The following BCAT2 variants were observed in gnomAD, a reference collection of about 807,000 sequenced individuals.
BCAT2 encodes branched-chain-amino-acid aminotransferase, mitochondrial.
A neutral mutation model predicts 52.9 loss-of-function variants in BCAT2; 44 were observed. The observed-to-expected ratio is 0.83, with a 90% CI of 0.65 to 1.07. The LOEUF (loss-of-function observed/expected upper bound fraction) is 1.07. BCAT2 is among the 50% of genes least tolerant of loss of function. The pLI, the probability that BCAT2 is intolerant of heterozygous loss-of-function variation, is 0.00. For synonymous variants in BCAT2, 215 were observed against 217.1 expected (o/e 0.99, Z 0.08); for missense variants, 478 against 521.8 (o/e 0.92, Z 0.82).
chr19:48,808,419 A>C (rs2122700911), intron 1 of BCAT2: 3 of 294,706 alleles, frequency 1.0e-5, no homozygotes, highest in Non-Finnish European at 1.5e-5. Context: ...AAAAACAAAA[A>C]CAGAAATTGA....
At chr19:48,800,458 G>C (rs2034634807) in intron 3 of BCAT2, among the ~76,000 whole-genome samples, 161 bp from the exon 4 acceptor site, 1 of 152,092 alleles carries the variant, frequency 6.6e-6, no homozygotes, top group African/African-American at 2.4e-5. Context: ...GAGAGATGGA[G>C]AAAAAGAGAG....
chr19:48,804,286 G>A (rs4802508), intron 3 of BCAT2, among the ~76,000 whole-genome samples: 9,570 of 152,218 alleles, frequency 0.063, 386 homozygotes, highest in Admixed American at 0.11. Flanking sequence ...GCTCACGCCT[G>A]CAATCCCAGC....
intron 1 of BCAT2, among the ~76,000 whole-genome samples, chr19:48,809,451 G>A (rs372345139): frequency 4.6e-5 from 7 of 151,468 alleles, no homozygotes; most frequent in East Asian, 1.9e-4. Flanking sequence ...TCACGGCCCC[G>A]GAGAGACCCC....
chr19:48,795,589 C>CT (rs1301274067), intron 10 of BCAT2, 125 bp from the exon 11 acceptor site: 1 of 1,096,412 alleles, frequency 9.1e-7, no homozygotes, highest in East Asian at 2.6e-5. Flanking sequence ...ATGTAGTCCA[C>CT]TTCCCAGAGG....
chr19:48,796,913 C>T (rs2034536011), intron 8 of BCAT2, 24 bp downstream of exon 8: 1 of 1,612,850 alleles, frequency 6.2e-7, no homozygotes, highest in African/African-American at 1.3e-5. Context: ...TGGCGCCCAT[C>T]ACCAGAAGAT....
intron 3 of BCAT2, among the ~76,000 whole-genome samples, chr19:48,801,112 T>G (rs1237576258): frequency 2.6e-5 from 4 of 151,956 alleles, no homozygotes; most frequent in Non-Finnish European, 5.9e-5. Flanking sequence ...CTCGGCCTCC[T>G]GGGTAGCTGG....
chr19:48,797,654 G>C, intron 6 of BCAT2: 1 of 314,682 alleles, frequency 3.2e-6, no homozygotes, highest in Non-Finnish European at 6.1e-6. Flanking sequence ...AGGTTCAAGA[G>C]ATTCTCCTGC....
Position 48,800,083 on chromosome 19 carries a change from C to A in BCAT2, c.429G>T (p.Glu143Asp). ...RLCLPSFDKL[E>D]LLECIRRLIE... ...TGAGCCGGCGGATGCACTCCAGCAA[C>A]TCCAGCTTGTCGAAACTCTGGGTGG... Residue 143 changes from glutamate to aspartate, a missense_variant, in exon 5 of 11, where the codon GAG (glutamate) becomes GAT (aspartate). Physicochemically the swap from Glu to Asp is conservative, Grantham distance 45. Coordinates refer to ENST00000316273, the MANE Select transcript of BCAT2 (RefSeq NM_001190.4). The A allele has an allele frequency of 6.2e-7, 1 of 1,614,036 alleles. No individual in the cohort carries two copies. The highest frequency in any genetic ancestry group is 2.2e-5 in the East Asian group (1 of 44,876).
At chr19:48,808,091 T>A (rs1017761877) in intron 1 of BCAT2, 1 of 987,144 alleles carries the variant, frequency 1.0e-6, no homozygotes, top group Non-Finnish European at 1.2e-6. Context: ...CGTGGTCACT[T>A]GTCGCTAGGT....
Position 48,797,252 on chromosome 19 carries a change from G to A in BCAT2, c.777C>T (p.Asp259=). 6.2e-7 allele frequency: 1 copy of A among 1,613,946 alleles called. No individual in the cohort carries two copies. Among genetic ancestry groups the A allele is most frequent in the Non-Finnish European group, 8.5e-7 (1 of 1,179,940 alleles). The change falls in exon 7 of 11, where the codon GAC becomes GAT. Residue 259 remains aspartate (D), a synonymous_variant. Transcript: ENST00000316273. The part of the protein sequence containing the change: ...CEQVLWLYGP[D]HQLTEVGTMN... The stretch of plus-strand genomic sequence containing the variant: ...TGGTTCCCACCTCGGTGAGCTGGTG[G>A]TCGGGCCCATACAGCCAGAGGACCT...
intron 1 of BCAT2, chr19:48,810,741 T>C: frequency 2.9e-6 from 3 of 1,021,596 alleles, no homozygotes; most frequent in South Asian, 2.4e-5. Flanking sequence ...TTTCCCTTTT[T>C]TTTTTTTTTT....
chr19:48,803,347 C>T (rs1281579655), intron 3 of BCAT2, among the ~76,000 whole-genome samples: 1 of 151,924 alleles, frequency 6.6e-6, no homozygotes, highest in African/African-American at 2.4e-5. Context: ...AACAAGACCC[C>T]ATCCCTAAAA....
chr19:48,801,139 C>G (rs1172574477), intron 3 of BCAT2, among the ~76,000 whole-genome samples: 1 of 151,906 alleles, frequency 6.6e-6, no homozygotes, highest in African/African-American at 2.4e-5. Context: ...AGGCGCCCAC[C>G]ACCACGCCCA....
intron 3 of BCAT2, 124 bp downstream of exon 3, chr19:48,806,393 T>C: frequency 1.6e-6 from 2 of 1,268,696 alleles, no homozygotes; most frequent in Non-Finnish European, 2.2e-6. Flanking sequence ...AGAAAACAAA[T>C]GGTGAATGCA....
intron 10 of BCAT2, 66 bp from the exon 11 acceptor site, chr19:48,795,530 T>G: frequency 6.3e-7 from 1 of 1,579,568 alleles, no homozygotes; most frequent in South Asian, 1.1e-5. Flanking sequence ...GGCCCTGGGG[T>G]GTTCCAGGCC....
At chr19:48,798,012 C>T (rs989806757) in intron 6 of BCAT2, among the ~76,000 whole-genome samples, 2 of 151,816 alleles carry the variant, frequency 1.3e-5, no homozygotes, top group Non-Finnish European at 2.9e-5. Flanking sequence ...TATTTATATG[C>T]CCGCCTCAGC....
chr19:48,805,869 T>C (rs1404563507), intron 3 of BCAT2, among the ~76,000 whole-genome samples: 3 of 42,964 alleles, frequency 7.0e-5, no homozygotes, highest in Non-Finnish European at 1.3e-4. Flanking sequence ...CCCCTGGCTG[T>C]CCCCTCTCCC....
intron 1 of BCAT2, chr19:48,808,311 G>C: frequency 9.5e-6 from 9 of 944,010 alleles, no homozygotes; most frequent in Non-Finnish European, 1.1e-5. Flanking sequence ...GGGCAGGAGA[G>C]CTGCCCTCAG....
At chr19:48,810,473 AGGAGTTTG>A (rs1253539612) in intron 1 of BCAT2, among the ~76,000 whole-genome samples, 8 of 152,208 alleles carry the variant, frequency 5.3e-5, no homozygotes, top group Non-Finnish European at 1.0e-4. Context: ...AGCTTCAGAT[AGGAGTTTG>A]GGAAGCACAG....
Sources: allele counts gnomAD v4.1 joint callset (sites outside exome capture counted in the v4.1 genomes callset), GRCh38; gene constraint gnomAD v4.1.1; transcripts MANE v1.5; gene names NCBI Gene and HGNC (gene_info 2026-07-23, HGNC 2026-07-21).